Variants in SUFU observed in about 807,000 individuals in gnomAD.
SUFU encodes the protein SUFU negative regulator of hedgehog signaling.
In SUFU, 7 loss-of-function variants were observed where a neutral mutation model predicts 58.9. The ratio of observed to expected loss-of-function variants is 0.12; its 90% CI spans 0.07 to 0.22. SUFU has a LOEUF of 0.22. Ranked by LOEUF, SUFU falls within the 10% of genes least tolerant of loss-of-function variation. SUFU has a pLI of 1.00. For missense variants in SUFU, 451 were observed against 641.3 expected (o/e 0.70, Z 3.20); for synonymous variants, 232 against 254.8 (o/e 0.91, Z 0.85).
In SUFU at chr10:102,504,183, G is replaced by A. The variant is rs1322807658; in HGVS notation, c.31G>A (p.Gly11Ser). The change falls in exon 1 of 12, where the codon GGC (glycine) becomes AGC (serine). Residue 11 changes from glycine (G) to serine (S), a missense_variant. Coordinates refer to ENST00000369902, the MANE Select transcript of SUFU (RefSeq NM_016169.4). ...GGAGCTGCGGCCTAGCGGCGCCCCC[G>A]GCCCCACCGCGCCCCCGGCCCCTGG... MAELRPSGAP[G>S]PTAPPAPGPT... 2 of 872,042 alleles carry A rather than the reference G, an allele frequency of 2.3e-6. No individual in the cohort carries two copies. Among genetic ancestry groups the A allele is most frequent in the Non-Finnish European group, 3.3e-6 (2 of 608,184 alleles). The allele number at this position is 872,042 out of a possible 1,614,324, so 54.0% of individuals were successfully genotyped here. A position where few individuals can be genotyped will look rare whatever the true frequency, so the allele number is the denominator to read the frequency against.
At position 102,627,249 on chromosome 10, in the gene SUFU, C is replaced by A. The variant is rs2063794144; in HGVS notation, c.1365+6C>A. 15 of 1,613,728 alleles carry A rather than the reference C, an allele frequency of 9.3e-6. No homozygotes were observed. In the South Asian group the frequency reaches 1.6e-4, roughly 18 times the overall value. On this transcript the variant is annotated splice_donor_region_variant and intron_variant, in intron 11 of 11. Coordinates refer to ENST00000369902, the MANE Select transcript of SUFU (RefSeq NM_016169.4). ...ATTTGACTTCTCCAGAGGAAGTAAG[C>A]TTGTTTGACTTTTCCTGACAACAGG...
At chr10:102,601,695 G>A (rs1406731557) in intron 8 of SUFU, among the ~76,000 whole-genome samples, 2 of 152,156 alleles carry the variant, frequency 1.3e-5, no homozygotes, top group Admixed American at 6.5e-5. Flanking sequence ...TCTCAGGATC[G>A]ATGATGATGG....
chr10:102,619,051 GT>G lies in SUFU; in HGVS notation c.1296+1626del. ...CAAACTGCAGAATCTACCCAGTTAT[GT>G]TTGACATCCTCAGCTCTGAACCTAT... On this transcript the variant is annotated intron_variant, in intron 10 of 11. Coordinates refer to ENST00000369902, the MANE Select transcript of SUFU (RefSeq NM_016169.4). The surrounding 1 kb of genome is among the most constrained non-coding windows in gnomAD (Gnocchi z 4.2). The G allele has an allele frequency of 6.2e-7, 1 of 1,611,742 alleles. No homozygotes were observed. The highest frequency in any genetic ancestry group is 8.5e-7 in the Non-Finnish European group (1 of 1,179,518).
chr10:102,607,356 G>A (rs1229499503), intron 8 of SUFU, among the ~76,000 whole-genome samples: 1 of 152,116 alleles, frequency 6.6e-6, no homozygotes, highest in East Asian at 1.9e-4. Context: ...GCCAATAATA[G>A]TAATTCTGAT....
At chr10:102,534,432 A>G (rs1027156956) in intron 2 of SUFU, among the ~76,000 whole-genome samples, 3 of 152,222 alleles carry the variant, frequency 2.0e-5, no homozygotes, top group African/African-American at 7.2e-5. Context: ...GTCTCAAAAA[A>G]AAAGAAAGTG....
At chr10:102,533,276 AAATC>A (rs1450534236) in intron 2 of SUFU, among the ~76,000 whole-genome samples, 2 of 152,158 alleles carry the variant, frequency 1.3e-5, no homozygotes, top group African/African-American at 4.8e-5. Flanking sequence ...CACTGGGTCA[AAATC>A]AAGGTGCCAG....
rs772028296 is a variant in SUFU, at chr10:102,628,457, A to G, written c.1365+1214A>G. On this transcript the variant is annotated intron_variant, in intron 11 of 11. Transcript: ENST00000369902. This position sits in a 1 kb window ranked among gnomAD's most constrained non-coding sequence, Gnocchi z 4.5. ...AACCCCCACAAGTCACTGGTCCCTG[A>G]GTCCCAGCTCCCCATTCAGTCAGAC... 2.3e-4 allele frequency among the ~76,000 whole-genome samples: 35 copies of G among 152,138 alleles called. No individual in the cohort carries two copies. Among genetic ancestry groups the G allele is most frequent in the Admixed American group, 9.8e-4 (15 of 15,276 alleles).
At chr10:102,599,220 T>C (rs1456789123) in intron 7 of SUFU, among the ~76,000 whole-genome samples, 1 of 152,170 alleles carries the variant, frequency 6.6e-6, no homozygotes, top group Non-Finnish European at 1.5e-5. Context: ...TCTACAAGAA[T>C]GGTACTCTTC....
intron 11 of SUFU, among the ~76,000 whole-genome samples, chr10:102,627,469 GC>G (rs976484334): frequency 3.3e-5 from 5 of 152,216 alleles, no homozygotes; most frequent in African/African-American, 1.2e-4. Flanking sequence ...ACCATCCCCT[GC>G]CCTACCCCCA....
intron 10 of SUFU, among the ~76,000 whole-genome samples, chr10:102,621,367 A>C (rs1485107952): frequency 6.6e-6 from 1 of 152,124 alleles, no homozygotes; most frequent in Non-Finnish European, 1.5e-5. Flanking sequence ...AAGGACTGTG[A>C]TGCCGCCCTG....
chr10:102,611,119 G>A (rs916932720), intron 8 of SUFU, among the ~76,000 whole-genome samples: 2 of 152,212 alleles, frequency 1.3e-5, no homozygotes, highest in South Asian at 4.1e-4. Flanking sequence ...GTTAGAATGA[G>A]CCCAGGGGAG....
At chr10:102,557,482 ATT>A (rs2062993540) in intron 3 of SUFU, among the ~76,000 whole-genome samples, 1 of 152,108 alleles carries the variant, frequency 6.6e-6, no homozygotes, top group Non-Finnish European at 1.5e-5. Context: ...AGTCCCAGCT[ATT>A]CAGGAGGCTG....
intron 9 of SUFU, among the ~76,000 whole-genome samples, chr10:102,616,676 C>G (rs2063689992): frequency 6.6e-6 from 1 of 152,268 alleles, no homozygotes; most frequent in Admixed American, 6.5e-5. Flanking sequence ...TATTTCCAGA[C>G]TAGGGATTAA....
At chr10:102,593,520 A>AC in intron 4 of SUFU, 116 bp from the exon 5 acceptor site, 2 of 1,033,022 alleles carry the variant, frequency 1.9e-6, no homozygotes, top group Admixed American at 1.7e-5. Flanking sequence ...GCTCCTGAGC[A>AC]CAGATCCTGC....
rs200599227 is a variant in SUFU, at chr10:102,576,331, G to GT, written c.455-16242dup. On this transcript the variant is annotated intron_variant, in intron 3 of 11. Transcript: ENST00000369902. ...CCTATGAAATGGTTTGGGTTTCTAT[G>GT]TTTTTTTTTCTTTCTTTAATGTAAA... Among the ~76,000 whole-genome samples the GT allele has an allele frequency of 8.9e-3, 1,345 of 150,956 alleles. 18 individuals carry two copies. The highest frequency in any genetic ancestry group is 0.031 in the African/African-American group (1,259 of 41,106).
chr10:102,630,160 G>C lies in SUFU; in HGVS notation c.*5G>C. ...TTCGACAGTCCGCTACACTAGCCTG[G>C]GCTGGGCCCTGCAGTGGCCAGCAGG... On this transcript the variant is annotated 3_prime_UTR_variant, in exon 12 of 12. Transcript: ENST00000369902. 6.2e-7 allele frequency: 1 copy of C among 1,614,044 alleles called. No individual in the cohort carries two copies. Among genetic ancestry groups the C allele is most frequent in the East Asian group, 2.2e-5 (1 of 44,876 alleles).
chr10:102,599,488 T>C lies in SUFU; in HGVS notation c.966T>C (p.Pro322=). ...GAGGACTCGAGATCAACAGCAAACC[T>C]GTCCTTCCACCAATCAACCCTCAGC... is the stretch of plus-strand genomic sequence containing the variant. The part of the protein sequence containing the change: ...LRRGLEINSK[P]VLPPINPQRQ... The change falls in exon 8 of 12, where the codon CCT becomes CCC. Residue 322 remains proline (P), a synonymous_variant. Transcript: ENST00000369902. 1 of 1,614,162 alleles carries C rather than the reference T, an allele frequency of 6.2e-7. No individual in the cohort carries two copies. Among genetic ancestry groups the C allele is most frequent in the South Asian group, 1.1e-5 (1 of 91,084 alleles).
intron 2 of SUFU, among the ~76,000 whole-genome samples, chr10:102,518,158 A>G (rs941096401): frequency 6.6e-6 from 1 of 152,164 alleles, no homozygotes; most frequent in African/African-American, 2.4e-5. Flanking sequence ...GCACTTTTCT[A>G]AGTGCTTTAT....
chr10:102,540,387 A>C (rs908429956), intron 2 of SUFU, among the ~76,000 whole-genome samples: 1 of 152,192 alleles, frequency 6.6e-6, no homozygotes, highest in Non-Finnish European at 1.5e-5. Flanking sequence ...GCAGTGACTC[A>C]TGCCTGTAAT....
Sources: allele counts gnomAD v4.1 joint callset (sites outside exome capture counted in the v4.1 genomes callset), GRCh38; gene constraint gnomAD v4.1.1; non-coding constraint Gnocchi (gnomAD v3.1); transcripts MANE v1.5; gene names NCBI Gene and HGNC (gene_info 2026-07-23, HGNC 2026-07-21).